Variants in SLC5A10 observed in about 807,000 individuals in gnomAD.
SLC5A10 encodes the protein sodium/mannose cotransporter SLC5A10.
SLC5A10 carries 55 observed loss-of-function variants against 68.9 expected under a neutral mutation model. That is an observed-to-expected ratio of 0.80 (90% CI 0.64 to 1.00). The LOEUF (loss-of-function observed/expected upper bound fraction) is 1.00. Among genes scored for constraint, SLC5A10 ranks in the 50% least tolerant of loss-of-function variants. SLC5A10 has a pLI of 0.00. For synonymous variants in SLC5A10, 344 were observed against 344.8 expected (o/e 1.00, Z 0.02); for missense variants, 732 against 819.3 (o/e 0.89, Z 1.30).
rs1460334015 is a variant in SLC5A10, at chr17:18,959,720, G to T, written c.348+57G>T. 4 of 1,543,756 alleles carry T rather than the reference G, an allele frequency of 2.6e-6. No homozygotes were observed. The African/African-American group carries it at 5.4e-5, about 21-fold the overall frequency. Reference sequence around the variant, plus strand: ...GGCTGGGCCTTGGTCCAAGTTGGTGGTAGTAATGGGCAGGACCACCGTGGC... The same window carrying T: ...GGCTGGGCCTTGGTCCAAGTTGGTGTTAGTAATGGGCAGGACCACCGTGGC... On this transcript the variant is annotated intron_variant, in intron 4 of 14. Transcript: ENST00000395645.
Position 18,979,728 on chromosome 17 carries a change from G to C in SLC5A10, c.982+2739G>C, listed in dbSNP as rs563739197. The C allele has an allele frequency of 2.5e-6, 4 of 1,602,418 alleles. No individual in the cohort carries two copies. The African/African-American group carries it at 4.0e-5, about 16-fold the overall frequency. ...ACGACTGCAACCCTGACCACACAGGGCGAGGGGAGGACGGCAGCTGCCCAG... is the reference window on the plus strand; with the variant it reads ...ACGACTGCAACCCTGACCACACAGGCCGAGGGGAGGACGGCAGCTGCCCAG... On this transcript the variant is annotated intron_variant, in intron 9 of 14. Transcript: ENST00000395645.
Position 18,971,173 on chromosome 17 carries a change from CT to C in SLC5A10, c.804del (p.Phe268LeufsTer3), listed in dbSNP as rs1381397529. The C allele has an allele frequency of 2.5e-6, 4 of 1,613,990 alleles. No individual in the cohort carries two copies. The African/African-American group carries it at 5.3e-5, about 22-fold the overall frequency. On this transcript the variant is annotated frameshift_variant, in exon 8 of 15. Transcript: ENST00000395645. LOFTEE classifies it high-confidence loss of function. The surrounding 1 kb of genome is among the most constrained non-coding windows in gnomAD (Gnocchi z 5.5). The part of the protein sequence containing the change: ...TGDLPWTGMT[F>X]GLTIMATWYW... ...GGGACCTGCCGTGGACCGGGATGACCTTTGGCCTGACCATCATGGCCACCTG... is the reference window on the plus strand; with the variant it reads ...GGGACCTGCCGTGGACCGGGATGACCTTGGCCTGACCATCATGGCCACCTG...
chr17:18,983,692 C>T (rs936523933), intron 9 of SLC5A10, among the ~76,000 whole-genome samples: 1 of 152,180 alleles, frequency 6.6e-6, no homozygotes, highest in African/African-American at 2.4e-5. Context: ...GGGCCTGTCT[C>T]GCTCTCTGTG....
intron 4 of SLC5A10, among the ~76,000 whole-genome samples, 190 bp from the exon 5 acceptor site, chr17:18,960,358 C>T (rs1025889426): frequency 3.3e-5 from 5 of 152,214 alleles, no homozygotes; most frequent in African/African-American, 1.2e-4. Flanking sequence ...ACCCTCGGGG[C>T]GCAGCCGGAG....
chr17:18,983,300 C>T (rs773916878), intron 9 of SLC5A10, among the ~76,000 whole-genome samples: 2 of 152,360 alleles, frequency 1.3e-5, no homozygotes, highest in Admixed American at 6.5e-5. Context: ...GGCCATGGGG[C>T]GCTCGAGGCC....
At chr17:19,008,293 T>C (rs1227120047) in intron 9 of SLC5A10, among the ~76,000 whole-genome samples, 1 of 152,210 alleles carries the variant, frequency 6.6e-6, no homozygotes, top group Non-Finnish European at 1.5e-5. Context: ...ATGATCAACT[T>C]TTACAGCCTA....
At chr17:19,014,115 T>C (rs2044080305) in intron 10 of SLC5A10, among the ~76,000 whole-genome samples, 1 of 152,188 alleles carries the variant, frequency 6.6e-6, no homozygotes, top group Non-Finnish European at 1.5e-5. Flanking sequence ...AATAAATGGC[T>C]GTGCCTTCCG....
chr17:18,977,907 A>C, intron 9 of SLC5A10: 1 of 1,610,260 alleles, frequency 6.2e-7, no homozygotes, highest in South Asian at 1.1e-5. Flanking sequence ...AGGGTTACGT[A>C]GTCGTCATCA....
At position 18,978,237 on chromosome 17, in the gene SLC5A10, G is replaced by T. The variant is rs746336229; in HGVS notation, c.982+1248G>T. On this transcript the variant is annotated intron_variant, in intron 9 of 14. Transcript: ENST00000395645. ...TCCTGGGGGGCACTGGGCTCTGGGG[G>T]AGGGCAAGGCTCTGGACGGGGCCTG... 4 of 1,590,868 alleles carry T rather than the reference G, an allele frequency of 2.5e-6. No individual in the cohort carries two copies. The Admixed American group carries it at 5.1e-5, about 20-fold the overall frequency.
chr17:18,990,648 T>C (rs1455990040), intron 9 of SLC5A10, among the ~76,000 whole-genome samples: 3 of 152,228 alleles, frequency 2.0e-5, no homozygotes, highest in Non-Finnish European at 4.4e-5. Context: ...GACCATCTGC[T>C]GTCAGGTTGG....
rs760821883 is a variant in SLC5A10 at position 19,022,028 on chromosome 17, C to T, written c.*1597C>T. The T allele has an allele frequency of 1.9e-6, 3 of 1,600,406 alleles. No individual in the cohort carries two copies. The highest frequency in any genetic ancestry group is 2.6e-6 in the Non-Finnish European group (3 of 1,174,090). On this transcript the variant is annotated 3_prime_UTR_variant, in exon 15 of 15. Coordinates refer to ENST00000395645, the MANE Select transcript of SLC5A10 (RefSeq NM_001042450.4). ...CGCGCCCGCAGGACCGGCCCCGCCA[C>T]CAGTGGGGGTCTGGGCGCTCCAGGA...
chr17:19,018,483 GCTGGACT>G lies in SLC5A10; in HGVS notation c.1242-936_1242-930del, dbSNP rs2044185738. On this transcript the variant is annotated intron_variant, in intron 11 of 14. Transcript: ENST00000395645. The surrounding 1 kb of genome is among the most constrained non-coding windows in gnomAD (Gnocchi z 4.2). ...GGTAAGAGGCTCATCTGTTTTCTTT[GCTGGACT>G]CTGAGTGCTGGGCAGGCACCAGGTC... 1 of 152,300 alleles carries G rather than the reference GCTGGACT, an allele frequency of 6.6e-6. No homozygotes were observed. The highest frequency in any genetic ancestry group is 2.4e-5 in the African/African-American group (1 of 41,432). 9.4% of individuals were successfully genotyped at this position (152,300 alleles called of 1,614,324 possible). A position where few individuals can be genotyped will look rare whatever the true frequency, so the allele number is the denominator to read the frequency against.
chr17:18,959,063 G>A (rs1418365697), intron 2 of SLC5A10, 72 bp from the exon 3 acceptor site: 2 of 1,435,960 alleles, frequency 1.4e-6, no homozygotes, highest in Non-Finnish European at 1.9e-6. Flanking sequence ...GGATGAGGGA[G>A]AAGCTATTAG....
chr17:18,985,059 G>A (rs2043235401), intron 9 of SLC5A10, among the ~76,000 whole-genome samples: 1 of 152,206 alleles, frequency 6.6e-6, no homozygotes, highest in African/African-American at 2.4e-5. Flanking sequence ...AAGCTCAGGA[G>A]GAAGGAGCCG....
intron 5 of SLC5A10, among the ~76,000 whole-genome samples, chr17:18,967,300 T>C (rs1245012630): frequency 6.6e-6 from 1 of 152,042 alleles, no homozygotes; most frequent in Non-Finnish European, 1.5e-5. Flanking sequence ...TTCCTGCACC[T>C]GCGGGACTTC....
intron 9 of SLC5A10, chr17:18,977,611 G>A (rs369334119): frequency 3.4e-5 from 55 of 1,609,156 alleles, no homozygotes; most frequent in Non-Finnish European, 4.6e-5. Context: ...TGGAGCGCTG[G>A]GCCTGCATCC....
At chr17:19,009,607 C>T (rs1422392748) in intron 9 of SLC5A10, among the ~76,000 whole-genome samples, 2 of 152,154 alleles carry the variant, frequency 1.3e-5, no homozygotes, top group Non-Finnish European at 2.9e-5. Context: ...CGAGAATGTG[C>T]CGGGCCTGGT....
intron 9 of SLC5A10, among the ~76,000 whole-genome samples, chr17:18,987,402 G>A (rs1404984098): frequency 1.3e-5 from 2 of 152,234 alleles, no homozygotes; most frequent in Non-Finnish European, 2.9e-5. Context: ...GCCAATGCAA[G>A]AGAAGTATTC....
In SLC5A10 at chr17:18,971,603, T is replaced by C. The variant is rs761039166; in HGVS notation, c.846+385T>C. 3 of 1,613,320 alleles carry C rather than the reference T, an allele frequency of 1.9e-6. No homozygotes were observed. The highest frequency in any genetic ancestry group is 2.5e-6 in the Non-Finnish European group (3 of 1,179,934). On this transcript the variant is annotated intron_variant, in intron 8 of 14. Transcript: ENST00000395645. This position sits in a 1 kb window ranked among gnomAD's most constrained non-coding sequence, Gnocchi z 5.5. ...TACCTGACCTCCCTTGGCCTGCCAG[T>C]GGTGGGGGCCAGCCATGGCTGGGCC...
Sources: gnomAD v4.1 joint callset for allele counts (sites outside exome capture counted in the v4.1 genomes callset) on GRCh38, gnomAD v4.1.1 for gene constraint, Gnocchi (gnomAD v3.1) non-coding constraint, MANE v1.5 for transcripts, NCBI Gene and HGNC (gene_info 2026-07-23, HGNC 2026-07-21) for gene names.